ZNF641: variants seen among roughly 807,000 people sequenced by gnomAD.
ZNF641 encodes zinc finger protein 641.
A neutral mutation model predicts 46.2 loss-of-function variants in ZNF641; 26 were observed. That is an observed-to-expected ratio of 0.56 (90% CI 0.41 to 0.78). ZNF641 has a LOEUF of 0.78. ZNF641 is among the 30% of genes least tolerant of loss of function. ZNF641 has a pLI of 0.00. For missense variants in ZNF641, 469 were observed against 517.8 expected (o/e 0.91, Z 0.91); for synonymous variants, 163 against 187.9 (o/e 0.87, Z 1.09).
chr12:48,347,093 G>A, intron 3 of ZNF641, 159 bp downstream of exon 3: 1 of 1,301,514 alleles, frequency 7.7e-7, no homozygotes, highest in Non-Finnish European at 1.0e-6. Context: ...ATTTTCCAAG[G>A]GTCTTATGAC....
rs1370395240 is a variant in ZNF641 at position 48,345,508 on chromosome 12, T to C, written c.277-34A>G. 2.5e-6 allele frequency: 4 copies of C among 1,613,094 alleles called. No individual in the cohort carries two copies. The South Asian group carries it at 4.4e-5, about 18-fold the overall frequency. On this transcript the variant is annotated intron_variant, in intron 3 of 5. Coordinates refer to ENST00000547026, the MANE Select transcript of ZNF641 (RefSeq NM_001172681.2). ...AAATGTAGCATCTTCTGTCAGCAGC[T>C]GTTTTTTAAGGAAAATGTGATTCAG...
Position 48,345,423 on chromosome 12 carries a change from GC to G in ZNF641, c.327del (p.Trp109CysfsTer23), listed in dbSNP as rs1952842562. 2 of 1,614,018 alleles carry G rather than the reference GC, an allele frequency of 1.2e-6. No homozygotes were observed. The highest frequency in any genetic ancestry group is 1.7e-6 in the Non-Finnish European group (2 of 1,180,000). Reference protein sequence around the residue: ...DVSLCFSQEEWRSLDPSQTDF... With the variant: ...DVSLCFSQEEXRSLDPSQTDF... ...TCTGTCTGAGAGGGGTCCAGGCTCC[GC>G]CACTCCTCCTGAGAGAAGCACAGTG... is the stretch of plus-strand genomic sequence containing the variant. On this transcript the variant is annotated frameshift_variant, in exon 4 of 6. Coordinates refer to ENST00000547026, the MANE Select transcript of ZNF641 (RefSeq NM_001172681.2). LOFTEE classifies it high-confidence loss of function.
At chr12:48,350,096 G>A in intron 1 of ZNF641, 1 of 1,614,172 alleles carries the variant, frequency 6.2e-7, no homozygotes, top group East Asian at 2.2e-5. Flanking sequence ...CAGCACCTGG[G>A]CGGTTAAGGT....
upstream of ZNF641, chr12:48,350,927 G>C (rs2136192790): frequency 1.1e-6 from 1 of 904,050 alleles, no homozygotes; most frequent in Non-Finnish European, 1.3e-6. Context: ...GGCGCGGGCG[G>C]GGCGGGGCGG....
chr12:48,351,051 G>T (rs1190373358), upstream of ZNF641: 1 of 152,248 alleles, frequency 6.6e-6, no homozygotes, highest in Non-Finnish European at 1.5e-5. Flanking sequence ...GGAGGGACGG[G>T]AGGGGGCGGG....
chr12:48,344,760 T>C lies in ZNF641; in HGVS notation c.407-48A>G, dbSNP rs370933797. On this transcript the variant is annotated intron_variant, in intron 4 of 5. Transcript: ENST00000547026. ...GAGCTGTCAATTAGTTCAACAGCAA[T>C]TCTATATTTCTGAAAAAAAAATACA... The C allele has an allele frequency of 1.6e-4, 172 of 1,081,244 alleles. 1 individual carries two copies. The Middle Eastern group carries it at 8.7e-3, about 55-fold the overall frequency. The allele number at this position is 1,081,244 out of a possible 1,614,324, so 67.0% of individuals were successfully genotyped here.
At chr12:48,346,739 G>A (rs185509864) in intron 3 of ZNF641, among the ~76,000 whole-genome samples, 466 of 152,242 alleles carry the variant, frequency 3.1e-3, no homozygotes, top group African/African-American at 0.01. Context: ...GGCCAGGCAC[G>A]GTGGCTCATA....
At chr12:48,336,526 C>T (rs1310578864), downstream of ZNF641, among the ~76,000 whole-genome samples, 5 of 152,214 alleles carry the variant, frequency 3.3e-5, no homozygotes, top group African/African-American at 1.2e-4. Context: ...GGAGGAGCCA[C>T]GCCTTTGACT....
chr12:48,334,781 G>A (rs937210744), downstream of ZNF641, among the ~76,000 whole-genome samples: 1 of 152,192 alleles, frequency 6.6e-6, no homozygotes. Context: ...GAGAGAGGAG[G>A]CAATTAGAGG....
Position 48,341,237 on chromosome 12 carries a change from T to G in ZNF641, c.*1736A>C. 1 of 985,464 alleles carries G rather than the reference T, an allele frequency of 1.0e-6. No individual in the cohort carries two copies. The highest frequency in any genetic ancestry group is 1.2e-6 in the Non-Finnish European group (1 of 829,946). 61.0% of individuals were successfully genotyped at this position (985,464 alleles called of 1,614,324 possible). A position where few individuals can be genotyped will look rare whatever the true frequency, so the allele number is the denominator to read the frequency against. On this transcript the variant is annotated 3_prime_UTR_variant, in exon 6 of 6. Transcript: ENST00000547026. ...TGCCTCTCTGGTTCATTCCACCAAT[T>G]GTGGTTGAGAAACACATCTTAGGGA...
Position 48,341,172 on chromosome 12 carries a change from G to C in ZNF641, c.*1801C>G, listed in dbSNP as rs533133426. 2 of 985,304 alleles carry C rather than the reference G, an allele frequency of 2.0e-6. No individual in the cohort carries two copies. The highest frequency in any genetic ancestry group is 6.2e-5 in the Admixed American group (1 of 16,260). 61.0% of individuals were successfully genotyped at this position (985,304 alleles called of 1,614,324 possible). ...ATTCACCCAGTTTTTCCTGCAAAAGGCACAGTCGCTAAACTAAATTGGTGC... is the reference window on the plus strand; with the variant it reads ...ATTCACCCAGTTTTTCCTGCAAAAGCCACAGTCGCTAAACTAAATTGGTGC... On this transcript the variant is annotated 3_prime_UTR_variant, in exon 6 of 6. Coordinates refer to ENST00000547026, the MANE Select transcript of ZNF641 (RefSeq NM_001172681.2).
Position 48,343,641 on chromosome 12 carries a change from G to C in ZNF641, c.607C>G (p.Leu203Val). 1 of 1,590,942 alleles carries C rather than the reference G, an allele frequency of 6.3e-7. No homozygotes were observed. The highest frequency in any genetic ancestry group is 8.6e-7 in the Non-Finnish European group (1 of 1,168,140). ...CTCTCATCATGCTCCGGGTTCCAGA[G>C]AACAGTATCTTCAGACACGCTGGAT... Reference protein sequence around the residue: ...MLSSVSEDTVLWNPEHDESWD... With the variant: ...MLSSVSEDTVVWNPEHDESWD... The change falls in exon 6 of 6, where the codon CTC becomes GTC. Residue 203 changes from leucine (L) to valine (V), a missense_variant. This residue lies in a region of ZNF641 where 346 missense variants were observed against 354.0 expected (regional missense o/e 0.98). Coordinates refer to ENST00000547026, the MANE Select transcript of ZNF641 (RefSeq NM_001172681.2).
Position 48,347,918 on chromosome 12 carries a change from A to C in ZNF641, c.173T>G (p.Leu58Arg). 1 of 1,614,162 alleles carries C rather than the reference A, an allele frequency of 6.2e-7. No individual in the cohort carries two copies. Among genetic ancestry groups the C allele is most frequent in the Non-Finnish European group, 8.5e-7 (1 of 1,180,018 alleles). ...CTGTGAGTTCTCACCCTTCTCCTGA[A>C]GGGACTGTGGCTCCTCTTCAAGGTC... ...CCDLEEEPQS[L>R]QEKAQSAPWV... The change falls in exon 2 of 6, where the codon CTT (leucine) becomes CGT (arginine). Residue 58 changes from leucine to arginine, a missense_variant. This residue lies in a region of ZNF641 where 98 missense variants were observed against 105.7 expected (regional missense o/e 0.93). Transcript: ENST00000547026.
chr12:48,347,019 A>C (rs1266981836), intron 3 of ZNF641: 1 of 773,892 alleles, frequency 1.3e-6, no homozygotes, highest in East Asian at 2.9e-5. Context: ...TCAAAAACAA[A>C]AAACAAAACA....
chr12:48,341,784 C>T lies in ZNF641; in HGVS notation c.*1189G>A. ...AAAGACTCCTCTTTCTCTGCCAGGG[C>T]AAAAGCAATCTGCAGCCCAGAGATT... is the stretch of plus-strand genomic sequence containing the variant. On this transcript the variant is annotated 3_prime_UTR_variant, in exon 6 of 6. Coordinates refer to ENST00000547026, the MANE Select transcript of ZNF641 (RefSeq NM_001172681.2). 1 of 985,460 alleles carries T rather than the reference C, an allele frequency of 1.0e-6. No individual in the cohort carries two copies. Among genetic ancestry groups the T allele is most frequent in the Non-Finnish European group, 1.2e-6 (1 of 829,950 alleles). The allele number at this position is 985,460 out of a possible 1,614,324, so 61.0% of individuals were successfully genotyped here. A position where few individuals can be genotyped will look rare whatever the true frequency, so the allele number is the denominator to read the frequency against.
At position 48,340,827 on chromosome 12, in the gene ZNF641, T is replaced by C; in HGVS notation, c.*2146A>G. On this transcript the variant is annotated 3_prime_UTR_variant, in exon 6 of 6. Coordinates refer to ENST00000547026, the MANE Select transcript of ZNF641 (RefSeq NM_001172681.2). ...TATTAAAGAGGGAGAGTAAAAGAAA[T>C]GTCAGAGTCCAGATTTATCACTGAA... 3.0e-6 allele frequency: 3 copies of C among 985,426 alleles called. No individual in the cohort carries two copies. Among genetic ancestry groups the C allele is most frequent in the Non-Finnish European group, 2.4e-6 (2 of 829,898 alleles). The allele number at this position is 985,426 out of a possible 1,614,324, so 61.0% of individuals were successfully genotyped here.
chr12:48,335,922 T>G (rs77541455), downstream of ZNF641, among the ~76,000 whole-genome samples: 8,373 of 152,344 alleles, frequency 0.055, 324 homozygotes, highest in Non-Finnish European at 0.09. Context: ...AATTCTTTGC[T>G]TTTCTTTTAC....
chr12:48,343,772 A>C, intron 5 of ZNF641, 45 bp from the exon 6 acceptor site: 1 of 1,435,340 alleles, frequency 7.0e-7, no homozygotes, highest in South Asian at 1.5e-5. Flanking sequence ...GAGTCACAAG[A>C]GAGTGCTTGA....
intron 4 of ZNF641, among the ~76,000 whole-genome samples, chr12:48,344,974 G>A (rs1032372444): frequency 2.0e-5 from 3 of 151,742 alleles, no homozygotes; most frequent in Admixed American, 6.6e-5. Context: ...CTTTCTGGGC[G>A]TAACTTCACT....
Sources: gnomAD v4.1 joint callset for allele counts (sites outside exome capture counted in the v4.1 genomes callset) on GRCh38, gnomAD v4.1.1 for gene constraint, gnomAD v4.1.1 regional missense constraint, MANE v1.5 for transcripts, NCBI Gene and HGNC (gene_info 2026-07-23, HGNC 2026-07-21) for gene names.